The following NRG2 variants were observed in gnomAD, a reference collection of about 807,000 sequenced individuals.
The protein encoded by NRG2 is neuregulin 2.
NRG2 carries 27 observed loss-of-function variants against 73.9 expected under a neutral mutation model. The observed-to-expected ratio is 0.37, with a 90% CI of 0.27 to 0.50. The LOEUF (loss-of-function observed/expected upper bound fraction) is 0.50, where lower values mean the gene tolerates loss of function less well. Ranked by LOEUF, NRG2 falls within the 20% of genes least tolerant of loss-of-function variation. The pLI, the probability that NRG2 is intolerant of heterozygous loss-of-function variation, is 0.96. For synonymous variants in NRG2, 532 were observed against 541.0 expected (o/e 0.98, Z 0.23); for missense variants, 1,126 against 1,210.1 (o/e 0.93, Z 1.03).
intron 1 of NRG2, among the ~76,000 whole-genome samples, chr5:139,995,370 G>T (rs2126606018): frequency 6.6e-6 from 1 of 152,266 alleles, no homozygotes; most frequent in South Asian, 2.1e-4. Context: ...ACAGTGGGCA[G>T]CAGTGATTTC....
intron 1 of NRG2, among the ~76,000 whole-genome samples, chr5:140,010,841 A>T (rs750329395): frequency 9.2e-5 from 14 of 152,228 alleles, no homozygotes; most frequent in Non-Finnish European, 1.9e-4. Context: ...AGCATCGGAC[A>T]CATCCGTGCT....
At chr5:139,921,373 T>A (rs532521911) in intron 1 of NRG2, among the ~76,000 whole-genome samples, 1 of 152,104 alleles carries the variant, frequency 6.6e-6, no homozygotes, top group Non-Finnish European at 1.5e-5. Context: ...ATCAGGACAG[T>A]GGGGTATTGG....
At chr5:139,861,866 G>A (rs1762168181) in intron 5 of NRG2, 2 of 456,748 alleles carry the variant, frequency 4.4e-6, no homozygotes, top group Non-Finnish European at 8.8e-6. Flanking sequence ...ATGCTGCCCT[G>A]AGAGAACAGC....
chr5:140,010,302 A>AT (rs1561749816), intron 1 of NRG2, among the ~76,000 whole-genome samples: 2 of 152,168 alleles, frequency 1.3e-5, no homozygotes, highest in East Asian at 3.9e-4. Context: ...TCTCAAAAAA[A>AT]AAATAAATAA....
chr5:139,999,533 A>G (rs1258266236), intron 1 of NRG2, among the ~76,000 whole-genome samples: 1 of 152,202 alleles, frequency 6.6e-6, no homozygotes, highest in Non-Finnish European at 1.5e-5. Flanking sequence ...AGCAAGCCTC[A>G]TGGAATGAGA....
At chr5:139,864,872 C>A (rs1762382431) in intron 5 of NRG2, 2 of 588,200 alleles carry the variant, frequency 3.4e-6, no homozygotes, top group Non-Finnish European at 6.1e-6. Context: ...GCTGCCCGAC[C>A]CCAGAAGTTG....
In NRG2 at chr5:139,894,539, G is replaced by A. The variant is rs1187659629; in HGVS notation, c.701-7028C>T. Among the ~76,000 whole-genome samples the A allele has an allele frequency of 6.6e-6, 1 of 151,910 alleles. No individual in the cohort carries two copies. The highest frequency in any genetic ancestry group is 1.5e-5 in the Non-Finnish European group (1 of 67,982). ...CTAGGCAGCCAGGCATCCTACCCAT[G>A]GCCTGCAGAAGAGCAATTTCACACT... On this transcript the variant is annotated intron_variant, in intron 1 of 9. Transcript: ENST00000361474. The surrounding 1 kb of genome is among the most constrained non-coding windows in gnomAD (Gnocchi z 5.0).
intron 1 of NRG2, among the ~76,000 whole-genome samples, chr5:139,943,930 T>C (rs1248120284): frequency 2.0e-5 from 3 of 152,234 alleles, no homozygotes; most frequent in African/African-American, 4.8e-5. Context: ...GGCATGGCTA[T>C]GCATTCTAAT....
intron 5 of NRG2, chr5:139,861,755 A>G: frequency 1.9e-6 from 1 of 517,204 alleles, no homozygotes; most frequent in Admixed American, 1.9e-5. Context: ...AAACTTGACA[A>G]TTCTCAAAGA....
At chr5:139,854,916 A>G (rs1163472938) in intron 6 of NRG2, among the ~76,000 whole-genome samples, 2 of 152,126 alleles carry the variant, frequency 1.3e-5, no homozygotes, top group East Asian at 3.9e-4. Context: ...TCTGGGTCCC[A>G]GCTATTCTTT....
chr5:139,905,241 A>G (rs1350462653), intron 1 of NRG2, among the ~76,000 whole-genome samples: 2 of 151,898 alleles, frequency 1.3e-5, no homozygotes, highest in African/African-American at 4.8e-5. Flanking sequence ...CCCACAAACC[A>G]TTGGGTAGGG....
chr5:139,937,618 G>C (rs1201897261), intron 1 of NRG2, among the ~76,000 whole-genome samples: 1 of 152,142 alleles, frequency 6.6e-6, no homozygotes, highest in Non-Finnish European at 1.5e-5. Flanking sequence ...AGGATATATG[G>C]TCATTATATA....
At chr5:140,026,900 T>C (rs1342993512) in intron 1 of NRG2, among the ~76,000 whole-genome samples, 1 of 152,182 alleles carries the variant, frequency 6.6e-6, no homozygotes, top group Admixed American at 6.5e-5. Flanking sequence ...TTTTGAATTA[T>C]ATCTTTTGTT....
chr5:139,928,247 AT>A (rs983353053), intron 1 of NRG2, among the ~76,000 whole-genome samples: 10 of 152,180 alleles, frequency 6.6e-5, no homozygotes, highest in Non-Finnish European at 1.3e-4. Context: ...GTCTTGCCCC[AT>A]AAGAGCAATG....
chr5:140,014,999 C>T (rs1348536480), intron 1 of NRG2, among the ~76,000 whole-genome samples: 2 of 152,166 alleles, frequency 1.3e-5, no homozygotes, highest in African/African-American at 4.8e-5. Context: ...GGAGAACTCC[C>T]TCTGCCTGAA....
intron 1 of NRG2, among the ~76,000 whole-genome samples, chr5:139,959,266 C>G (rs1387985911): frequency 6.6e-6 from 1 of 152,226 alleles, no homozygotes; most frequent in South Asian, 2.1e-4. Flanking sequence ...ATGGCACGAT[C>G]TCAGCTCACT....
At position 139,865,160 on chromosome 5, in the gene NRG2, A is replaced by G; in HGVS notation, c.1189+389T>C. On this transcript the variant is annotated intron_variant, in intron 5 of 9. Transcript: ENST00000361474. This position sits in a 1 kb window ranked among gnomAD's most constrained non-coding sequence, Gnocchi z 5.2. ...AACTGCTGACACCTGTCCCCGGTGT[A>G]TCCCACAGGACACCTACCAAAAGAA... is the stretch of plus-strand genomic sequence containing the variant. 6.2e-7 allele frequency: 1 copy of G among 1,613,738 alleles called. No homozygotes were observed. The highest frequency in any genetic ancestry group is 8.5e-7 in the Non-Finnish European group (1 of 1,179,644).
chr5:139,895,339 G>A (rs1329046995), intron 1 of NRG2, among the ~76,000 whole-genome samples: 1 of 152,256 alleles, frequency 6.6e-6, no homozygotes, highest in Admixed American at 6.5e-5. Flanking sequence ...ACAGGCACAC[G>A]AGTAGCAGAG....
chr5:139,884,576 T>C (rs889766749), intron 2 of NRG2, among the ~76,000 whole-genome samples: 3 of 152,190 alleles, frequency 2.0e-5, no homozygotes, highest in Non-Finnish European at 4.4e-5. Context: ...CAGACACTCA[T>C]GGGGGTCAGT....
Sources: gnomAD v4.1 joint callset for allele counts (sites outside exome capture counted in the v4.1 genomes callset) on GRCh38, gnomAD v4.1.1 for gene constraint, Gnocchi (gnomAD v3.1) non-coding constraint, MANE v1.5 for transcripts, NCBI Gene and HGNC (gene_info 2026-07-23, HGNC 2026-07-21) for gene names.